Variants in STAT4 observed in about 807,000 individuals in gnomAD.
The protein encoded by STAT4 is signal transducer and activator of transcription 4.
In STAT4, 42 loss-of-function variants were observed where a neutral mutation model predicts 110.5. That is an observed-to-expected ratio of 0.38 (90% CI 0.30 to 0.49). The LOEUF (loss-of-function observed/expected upper bound fraction) is 0.49, where lower values mean the gene tolerates loss of function less well. Ranked by LOEUF, STAT4 falls within the 20% of genes least tolerant of loss-of-function variation. The probability of loss-of-function intolerance (pLI) is 0.95; values close to 1 mark genes in which losing one functional copy is unlikely to be tolerated. For missense variants in STAT4, 632 were observed against 887.9 expected (o/e 0.71, Z 3.66); for synonymous variants, 284 against 302.2 (o/e 0.94, Z 0.63).
chr2:191,050,712 C>T lies in STAT4; in HGVS notation c.1251+3778G>A, dbSNP rs1350140194. On this transcript the variant is annotated intron_variant, in intron 14 of 23. Coordinates refer to ENST00000392320, the MANE Select transcript of STAT4 (RefSeq NM_003151.4). The surrounding 1 kb of genome is among the most constrained non-coding windows in gnomAD (Gnocchi z 4.3). ...CAGGCATGAGGGAGCCAGAGCTCCACATTTCCCCAACCCCCAGGGCAAATG... is the reference window on the plus strand; with the variant it reads ...CAGGCATGAGGGAGCCAGAGCTCCATATTTCCCCAACCCCCAGGGCAAATG... 6.6e-6 allele frequency among the ~76,000 whole-genome samples: 1 copy of T among 152,088 alleles called. No individual in the cohort carries two copies. The highest frequency in any genetic ancestry group is 1.9e-4 in the East Asian group (1 of 5,192).
At chr2:191,041,906 C>T (rs1441102950) in intron 14 of STAT4, among the ~76,000 whole-genome samples, 2 of 152,166 alleles carry the variant, frequency 1.3e-5, no homozygotes, top group Admixed American at 6.5e-5. Flanking sequence ...CAGAGGCTCT[C>T]TACATTCTGG....
At position 191,117,343 on chromosome 2, in the gene STAT4, A is replaced by G. The variant is rs1698598377; in HGVS notation, c.273+29270T>C. Among the ~76,000 whole-genome samples the G allele has an allele frequency of 6.6e-6, 1 of 152,216 alleles. No homozygotes were observed. The highest frequency in any genetic ancestry group is 2.4e-5 in the African/African-American group (1 of 41,452). ...GCTGTTCTGACTTCAAATTTCAAAG[A>G]CTTGCCATTGCATCTAATTTAGTGC... On this transcript the variant is annotated intron_variant, in intron 3 of 23. Transcript: ENST00000392320. The surrounding 1 kb of genome is among the most constrained non-coding windows in gnomAD (Gnocchi z 5.2).
In STAT4 at chr2:191,142,892, A is replaced by AATGGTAGAT. The variant is rs1559086485; in HGVS notation, c.273+3712_273+3720dup. Among the ~76,000 whole-genome samples the AATGGTAGAT allele has an allele frequency of 6.6e-6, 1 of 152,218 alleles. No homozygotes were observed. Among genetic ancestry groups the AATGGTAGAT allele is most frequent in the Non-Finnish European group, 1.5e-5 (1 of 68,030 alleles). On this transcript the variant is annotated intron_variant, in intron 3 of 23. Transcript: ENST00000392320. This position sits in a 1 kb window ranked among gnomAD's most constrained non-coding sequence, Gnocchi z 4.1. ...ATGAAACTCTCTAGTATGATATTGT[A>AATGGTAGAT]ATGGTAGATATATGACATTATGCAT...
Position 191,056,274 on chromosome 2 carries a change from G to A in STAT4, c.1207-1740C>T, listed in dbSNP as rs1014261725. ...CAGAAGGAGTAACATGGTTTCTGGC[G>A]AGAAAAATAGTAGGGTCTTTGGGAA... On this transcript the variant is annotated intron_variant, in intron 13 of 23. Coordinates refer to ENST00000392320, the MANE Select transcript of STAT4 (RefSeq NM_003151.4). 3.9e-5 allele frequency among the ~76,000 whole-genome samples: 6 copies of A among 152,284 alleles called. No homozygotes were observed. The East Asian group carries it at 5.8e-4, about 15-fold the overall frequency.
At position 191,040,291 on chromosome 2, in the gene STAT4, T is replaced by C. The variant is rs3024875; in HGVS notation, c.1335+774A>G. Among the ~76,000 whole-genome samples, 1,175 of 152,354 alleles carry C rather than the reference T, an allele frequency of 7.7e-3. 19 individuals are homozygous for C. Among genetic ancestry groups the C allele is most frequent in the African/African-American group, 0.027 (1,110 of 41,582 alleles). ...TCAAAGCAACATACTGTAATGTTCCTATTATTTGTCTTTGCTCATTATGTT... is the reference window on the plus strand; with the variant it reads ...TCAAAGCAACATACTGTAATGTTCCCATTATTTGTCTTTGCTCATTATGTT... On this transcript the variant is annotated intron_variant, in intron 15 of 23. Coordinates refer to ENST00000392320, the MANE Select transcript of STAT4 (RefSeq NM_003151.4).
chr2:191,074,380 C>T (rs1484591874), intron 4 of STAT4, among the ~76,000 whole-genome samples: 2 of 152,188 alleles, frequency 1.3e-5, no homozygotes, highest in African/African-American at 4.8e-5. Flanking sequence ...CACACTCTTA[C>T]AATTGGTAAA....
intron 8 of STAT4, among the ~76,000 whole-genome samples, chr2:191,063,301 TA>T (rs1372703403): frequency 3.3e-5 from 5 of 152,084 alleles, no homozygotes; most frequent in African/African-American, 7.2e-5. Flanking sequence ...TTTAAAGCCA[TA>T]AAAAAATGCC....
At chr2:191,145,997 A>T (rs1343643792) in intron 3 of STAT4, among the ~76,000 whole-genome samples, 1 of 152,228 alleles carries the variant, frequency 6.6e-6, no homozygotes, top group Non-Finnish European at 1.5e-5. Flanking sequence ...CTGGAAATTC[A>T]AAGTTGAACA....
At chr2:191,124,541 C>A (rs1698826184) in intron 3 of STAT4, among the ~76,000 whole-genome samples, 1 of 151,238 alleles carries the variant, frequency 6.6e-6, no homozygotes, top group Non-Finnish European at 1.5e-5. Context: ...TGAATGCACT[C>A]AAAGAGCTCA....
intron 3 of STAT4, among the ~76,000 whole-genome samples, chr2:191,106,120 G>C (rs1204026267): frequency 6.6e-6 from 1 of 152,094 alleles, no homozygotes; most frequent in Non-Finnish European, 1.5e-5. Flanking sequence ...AATGTCATTA[G>C]AATTCCTTCT....
intron 8 of STAT4, among the ~76,000 whole-genome samples, chr2:191,064,346 A>G (rs1696927349): frequency 1.3e-5 from 2 of 152,354 alleles, no homozygotes; most frequent in East Asian, 3.9e-4. Context: ...TACAGTCACC[A>G]TGATGTACAA....
intron 3 of STAT4, among the ~76,000 whole-genome samples, chr2:191,097,037 A>G (rs528866721): frequency 6.6e-6 from 1 of 152,344 alleles, no homozygotes; most frequent in African/African-American, 2.4e-5. Flanking sequence ...CAAAGAGAAT[A>G]AAATATCTAG....
In STAT4 at chr2:191,112,775, T is replaced by C. The variant is rs1330101741; in HGVS notation, c.273+33838A>G. On this transcript the variant is annotated intron_variant, in intron 3 of 23. Coordinates refer to ENST00000392320, the MANE Select transcript of STAT4 (RefSeq NM_003151.4). This position sits in a 1 kb window ranked among gnomAD's most constrained non-coding sequence, Gnocchi z 4.3. ...AATGGTAGATGTGGAAGCAGAACAA[T>C]GACGCTCTGTCTTCAAGTCTAGAGC... is the stretch of plus-strand genomic sequence containing the variant. Among the ~76,000 whole-genome samples, 2 of 152,196 alleles carry C rather than the reference T, an allele frequency of 1.3e-5. No homozygotes were observed. Among genetic ancestry groups the C allele is most frequent in the African/African-American group, 4.8e-5 (2 of 41,442 alleles).
chr2:191,030,597 G>C lies in STAT4; in HGVS notation c.2220+375C>G, dbSNP rs953631999. ...TAGATAGTAAGTAACTAGTAAACTAGATAGTATACTAGGTTTATAAATATT... is the reference window on the plus strand; with the variant it reads ...TAGATAGTAAGTAACTAGTAAACTACATAGTATACTAGGTTTATAAATATT... On this transcript the variant is annotated intron_variant, in intron 23 of 23. Transcript: ENST00000392320. The surrounding 1 kb of genome is among the most constrained non-coding windows in gnomAD (Gnocchi z 4.4). Among the ~76,000 whole-genome samples the C allele has an allele frequency of 3.3e-5, 5 of 152,108 alleles. No homozygotes were observed. Among genetic ancestry groups the C allele is most frequent in the African/African-American group, 9.7e-5 (4 of 41,396 alleles).
Position 191,145,070 on chromosome 2 carries a change from C to G in STAT4, c.273+1543G>C, listed in dbSNP as rs183775339. Among the ~76,000 whole-genome samples, 762 of 152,018 alleles carry G rather than the reference C, an allele frequency of 5.0e-3. 19 individuals carry two copies. Among genetic ancestry groups the G allele is most frequent in the Admixed American group, 0.047 (715 of 15,278 alleles). On this transcript the variant is annotated intron_variant, in intron 3 of 23. Transcript: ENST00000392320. The stretch of plus-strand genomic sequence containing the variant: ...GTTAGCAAACTTTCCTATAAAAGGC[C>G]AGATAAATGTGATATACATATATAT...
In STAT4 at chr2:191,131,094, G is replaced by T. The variant is rs546331021; in HGVS notation, c.273+15519C>A. On this transcript the variant is annotated intron_variant, in intron 3 of 23. Transcript: ENST00000392320. ...AAGTGTAGATGAGAATATTGAGCCA[G>T]AACTCCAGCCCTATAAGGAAAGTGT... Among the ~76,000 whole-genome samples the T allele has an allele frequency of 2.0e-5, 3 of 151,582 alleles. No homozygotes were observed. In the East Asian group the frequency reaches 5.8e-4, roughly 29 times the overall value.
rs765300800 is a variant in STAT4 at position 191,033,647 on chromosome 2, A to G, written c.1716-21T>C. On this transcript the variant is annotated intron_variant, in intron 19 of 23. Transcript: ENST00000392320. The surrounding 1 kb of genome is among the most constrained non-coding windows in gnomAD (Gnocchi z 6.9). ...CATACCTAAAAATAGAACATGCATTATTTCATCTGATCATTATTGGATTTT... is the reference window on the plus strand; with the variant it reads ...CATACCTAAAAATAGAACATGCATTGTTTCATCTGATCATTATTGGATTTT... The G allele has an allele frequency of 1.2e-5, 19 of 1,606,820 alleles. No individual in the cohort carries two copies. The highest frequency in any genetic ancestry group is 2.2e-5 in the South Asian group (2 of 89,590).
intron 3 of STAT4, among the ~76,000 whole-genome samples, chr2:191,134,910 G>A (rs1011370633): frequency 6.6e-6 from 1 of 151,756 alleles, no homozygotes; most frequent in East Asian, 1.9e-4. Context: ...CCAAATCTAT[G>A]AAAAAGCAGT....
chr2:191,096,156 C>T (rs546573716), intron 3 of STAT4, among the ~76,000 whole-genome samples: 2 of 152,120 alleles, frequency 1.3e-5, no homozygotes, highest in East Asian at 3.9e-4. Flanking sequence ...AAGCCCAGGA[C>T]CAGAGGGATT....
Sources: allele counts gnomAD v4.1 joint callset (sites outside exome capture counted in the v4.1 genomes callset), GRCh38; gene constraint gnomAD v4.1.1; non-coding constraint Gnocchi (gnomAD v3.1); transcripts MANE v1.5; gene names NCBI Gene and HGNC (gene_info 2026-07-23, HGNC 2026-07-21).